Variants in MTTP observed in about 807,000 individuals in gnomAD.
MTTP encodes the protein microsomal triglyceride transfer protein large subunit.
MTTP carries 49 observed loss-of-function variants against 90.6 expected under a neutral mutation model. The ratio of observed to expected loss-of-function variants is 0.54; its 90% CI spans 0.43 to 0.69. The LOEUF is 0.69. Among genes scored for constraint, MTTP ranks in the 30% least tolerant of loss-of-function variants. The pLI is 0.00. For missense variants in MTTP, 945 were observed against 1,067.5 expected (o/e 0.89, Z 1.60); for synonymous variants, 347 against 384.2 (o/e 0.90, Z 1.13).
At chr4:99,595,034 C>A (rs1725521441) in intron 7 of MTTP, 151 bp downstream of exon 7, 3 of 847,578 alleles carry the variant, frequency 3.5e-6, no homozygotes, top group Middle Eastern at 2.7e-4. Context: ...ACAATATGCA[C>A]CTGACATAGT....
intron 6 of MTTP, among the ~76,000 whole-genome samples, chr4:99,592,693 CAT>C (rs1007814199): frequency 1.3e-5 from 2 of 152,132 alleles, no homozygotes; most frequent in Admixed American, 1.3e-4. Context: ...GGTGCAATAA[CAT>C]ACATAGAACT....
chr4:99,588,696 T>C (rs1241465720), intron 3 of MTTP, among the ~76,000 whole-genome samples: 1 of 126,256 alleles, frequency 7.9e-6, no homozygotes, highest in African/African-American at 3.2e-5. Context: ...AATATATATA[T>C]ACACACATAT....
chr4:99,566,191 A>G (rs939296681), intron 1 of MTTP, among the ~76,000 whole-genome samples: 2 of 150,008 alleles, frequency 1.3e-5, no homozygotes, highest in Non-Finnish European at 3.0e-5. Flanking sequence ...CCGGAGGCTG[A>G]GGCAGGAGAA....
At chr4:99,583,008 T>A (rs1725164936) in intron 2 of MTTP, among the ~76,000 whole-genome samples, 1 of 152,056 alleles carries the variant, frequency 6.6e-6, no homozygotes, top group South Asian at 2.1e-4. Context: ...TAAGGTAGAA[T>A]AGGGCAGGGG....
At chr4:99,583,747 T>C (rs747948321) in intron 3 of MTTP, 2 of 610,978 alleles carry the variant, frequency 3.3e-6, no homozygotes, top group South Asian at 2.1e-5. Context: ...GAAATCTTTA[T>C]AGTGGAATGA....
chr4:99,613,185 G>T, intron 15 of MTTP, 45 bp downstream of exon 15: 4 of 1,499,910 alleles, frequency 2.7e-6, no homozygotes, highest in Non-Finnish European at 1.8e-6. Context: ...CCTAAAATAC[G>T]CCAGGCACGT....
At chr4:99,594,077 C>T (rs1725491627) in intron 6 of MTTP, among the ~76,000 whole-genome samples, 1 of 152,170 alleles carries the variant, frequency 6.6e-6, no homozygotes, top group African/African-American at 2.4e-5. Flanking sequence ...ATTTCCCTGT[C>T]GCCTCTCAGC....
At chr4:99,618,777 A>G (rs556914540) in intron 15 of MTTP, among the ~76,000 whole-genome samples, 197 bp from the exon 16 acceptor site, 40 of 152,302 alleles carry the variant, frequency 2.6e-4, no homozygotes, top group Admixed American at 7.2e-4. Flanking sequence ...TTGACTAATT[A>G]ATTTAGCAAA....
At chr4:99,566,297 G>GAAAAAA (rs567380343) in intron 1 of MTTP, among the ~76,000 whole-genome samples, 1 of 117,530 alleles carries the variant, frequency 8.5e-6, no homozygotes, top group South Asian at 2.7e-4. Context: ...TCAAAAAAAA[G>GAAAAAA]AAAAAAAAAA....
chr4:99,611,921 A>G (rs1271964658), intron 14 of MTTP, among the ~76,000 whole-genome samples: 1 of 152,150 alleles, frequency 6.6e-6, no homozygotes, highest in Non-Finnish European at 1.5e-5. Context: ...TGCTCTAAAG[A>G]GTCAATCTGT....
At chr4:99,575,015 G>T in intron 1 of MTTP, 45 bp downstream of exon 1, 1 of 1,600,992 alleles carries the variant, frequency 6.2e-7, no homozygotes, top group Admixed American at 1.7e-5. Context: ...TCCATCTTTG[G>T]AGTTGGAGGC....
At chr4:99,564,676 AGTTT>A (rs988812257) in intron 1 of MTTP, among the ~76,000 whole-genome samples, 1 of 152,184 alleles carries the variant, frequency 6.6e-6, no homozygotes, top group African/African-American at 2.4e-5. Flanking sequence ...TTTTCTATTT[AGTTT>A]TTTTCTCCTC....
chr4:99,600,299 T>A (rs1483244854), intron 8 of MTTP, among the ~76,000 whole-genome samples: 1 of 152,176 alleles, frequency 6.6e-6, no homozygotes, highest in Non-Finnish European at 1.5e-5. Flanking sequence ...AAATTATACT[T>A]GGCTTAGGTT....
intron 1 of MTTP, among the ~76,000 whole-genome samples, chr4:99,568,249 G>T (rs1048505787): frequency 6.6e-6 from 1 of 151,982 alleles, no homozygotes; most frequent in Non-Finnish European, 1.5e-5. Flanking sequence ...TGTCTGTCTA[G>T]AAAATCCCCA....
chr4:99,604,521 C>T (rs930467988), intron 10 of MTTP, among the ~76,000 whole-genome samples: 5 of 152,054 alleles, frequency 3.3e-5, no homozygotes, highest in South Asian at 2.1e-4. Context: ...CAGTTGTTAA[C>T]GTATTTTCAT....
chr4:99,596,776 A>C (rs1725562758), intron 7 of MTTP, among the ~76,000 whole-genome samples: 2 of 152,172 alleles, frequency 1.3e-5, no homozygotes, highest in Non-Finnish European at 2.9e-5. Context: ...CCCTTGGTGT[A>C]GCCGTGAAAT....
intron 6 of MTTP, among the ~76,000 whole-genome samples, chr4:99,592,121 G>A (rs1725441035): frequency 6.6e-6 from 1 of 152,080 alleles, no homozygotes; most frequent in Non-Finnish European, 1.5e-5. Context: ...TGTGTATCTA[G>A]ACATAGAAAA....
chr4:99,593,971 TCAGA>T (rs1237349798), intron 6 of MTTP, among the ~76,000 whole-genome samples: 1 of 152,206 alleles, frequency 6.6e-6, no homozygotes, highest in Non-Finnish European at 1.5e-5. Context: ...TTATGTAGTT[TCAGA>T]CAGTCAAACT....
chr4:99,592,140 G>GA (rs141204579), intron 6 of MTTP, among the ~76,000 whole-genome samples: 1 of 152,108 alleles, frequency 6.6e-6, no homozygotes, highest in Non-Finnish European at 1.5e-5. Context: ...AAAGTCAGCA[G>GA]AAAAATACAG....
Sources: allele counts gnomAD v4.1 joint callset (sites outside exome capture counted in the v4.1 genomes callset), GRCh38; gene constraint gnomAD v4.1.1; transcripts MANE v1.5; gene names NCBI Gene and HGNC (gene_info 2026-07-23, HGNC 2026-07-21).